Variants in EEA1 observed in about 807,000 individuals in gnomAD.
EEA1 encodes early endosome antigen 1, 162kD.
In EEA1, 111 loss-of-function variants were observed where a neutral mutation model predicts 209.2. The observed-to-expected ratio is 0.53, with a 90% CI of 0.45 to 0.62. The LOEUF is 0.62. Among genes scored for constraint, EEA1 ranks in the 20% least tolerant of loss-of-function variants. EEA1 has a pLI of 0.00. For missense variants in EEA1, 1,343 were observed against 1,530.8 expected (o/e 0.88, Z 2.05); for synonymous variants, 536 against 540.6 (o/e 0.99, Z 0.12).
At chr12:92,830,899 A>C (rs1876595639) in intron 11 of EEA1, among the ~76,000 whole-genome samples, 1 of 152,238 alleles carries the variant, frequency 6.6e-6, no homozygotes, top group Non-Finnish European at 1.5e-5. Flanking sequence ...GAAGGAAGGC[A>C]GATCAGTTAA....
At chr12:92,922,739 G>A (rs1410053584) in intron 1 of EEA1, among the ~76,000 whole-genome samples, 2 of 151,460 alleles carry the variant, frequency 1.3e-5, no homozygotes, top group African/African-American at 2.4e-5. Context: ...GATCGCCTGA[G>A]GTCAGGAGTT....
intron 22 of EEA1, among the ~76,000 whole-genome samples, chr12:92,783,863 G>GT (rs1276611255): frequency 6.6e-6 from 1 of 151,580 alleles, no homozygotes; most frequent in East Asian, 1.9e-4. Context: ...GGCAGAAAAC[G>GT]TAATTTAGCA....
chr12:92,803,836 C>A (rs1422138438), intron 18 of EEA1, among the ~76,000 whole-genome samples: 1 of 151,986 alleles, frequency 6.6e-6, no homozygotes, highest in African/African-American at 2.4e-5. Flanking sequence ...AGTTAAAATC[C>A]CTGTTAAGCA....
chr12:92,804,571 C>CAAAA (rs1195692496), intron 18 of EEA1, among the ~76,000 whole-genome samples: 7 of 47,670 alleles, frequency 1.5e-4, no homozygotes, highest in South Asian at 1.5e-3. Flanking sequence ...GACTCTGTCT[C>CAAAA]AAAAAAAAAA....
chr12:92,823,352 A>G (rs1377383019), intron 13 of EEA1, among the ~76,000 whole-genome samples: 1 of 152,188 alleles, frequency 6.6e-6, no homozygotes, highest in Non-Finnish European at 1.5e-5. Context: ...TCTAACTTAC[A>G]CTTTAAGGTC....
rs761976116 is a variant in EEA1 at position 92,832,725 on chromosome 12, T to C, written c.1041A>G (p.Gln347=). 79 of 1,613,940 alleles carry C rather than the reference T, an allele frequency of 4.9e-5. No individual in the cohort carries two copies. The highest frequency in any genetic ancestry group is 1.6e-4 in the Middle Eastern group (1 of 6,080). ...ATGCAGACAATCTTGACTGAAGCTGTTGACAATCTAGGTCTTTTTGATGAA... is the reference window on the plus strand; with the variant it reads ...ATGCAGACAATCTTGACTGAAGCTGCTGACAATCTAGGTCTTTTTGATGAA... ...ATLHQKDLDC[Q]QLQSRLSASE... Residue 347 remains glutamine (Q), a synonymous_variant, in exon 11 of 29, where the codon CAA becomes CAG. Coordinates refer to ENST00000322349, the MANE Select transcript of EEA1 (RefSeq NM_003566.4).
intron 21 of EEA1, among the ~76,000 whole-genome samples, chr12:92,796,924 G>A (rs1444197183): frequency 1.3e-5 from 2 of 152,156 alleles, no homozygotes; most frequent in East Asian, 1.9e-4. Flanking sequence ...ATTTCTCTAT[G>A]ACCAGTAAGT....
chr12:92,770,815 A>C lies in EEA1; in HGVS notation c.*5196T>G, dbSNP rs1332708050. The C allele has an allele frequency of 3.4e-5, 5 of 148,326 alleles. No homozygotes were observed. Among genetic ancestry groups the C allele is most frequent in the Non-Finnish European group, 6.0e-5 (4 of 66,446 alleles). 9.2% of individuals were successfully genotyped at this position (148,326 alleles called of 1,614,324 possible). On this transcript the variant is annotated 3_prime_UTR_variant, in exon 29 of 29. Transcript: ENST00000322349. ...TAGAAAATCCCAAAGACTAAATTCC[A>C]TTACTTTAAGATAGGAAGAAAAAAA...
chr12:92,888,808 G>A (rs17837149), intron 2 of EEA1, among the ~76,000 whole-genome samples: 2,477 of 152,110 alleles, frequency 0.016, 41 homozygotes, highest in South Asian at 0.095. Flanking sequence ...AAAAATCCTC[G>A]AAACGGAAGG....
rs902093812 is a variant in EEA1, at chr12:92,809,051, C to T, written c.2305G>A (p.Glu769Lys). Reference protein sequence around the residue: ...LNTDLELRATELSKQLEMEKE... With the variant: ...LNTDLELRATKLSKQLEMEKE... ...TCCATTTCAAGTTGTTTACTCAATT[C>T]TGTGGCTCTGAGCTCTAAATCTGTG... is the stretch of plus-strand genomic sequence containing the variant. Residue 769 changes from glutamate to lysine, a missense_variant, in exon 18 of 29, where the codon GAA becomes AAA. By Grantham distance (56) the Glu-to-Lys change is moderately conservative. This residue lies in a region of EEA1 where 1,307 missense variants were observed against 1,465.5 expected (regional missense o/e 0.89). Coordinates refer to ENST00000322349, the MANE Select transcript of EEA1 (RefSeq NM_003566.4). 2.7e-5 allele frequency: 44 copies of T among 1,603,190 alleles called. No individual in the cohort carries two copies. The Admixed American group carries it at 6.8e-4, about 25-fold the overall frequency.
chr12:92,848,316 C>T (rs1877464939), intron 9 of EEA1, among the ~76,000 whole-genome samples: 4 of 151,782 alleles, frequency 2.6e-5, no homozygotes, highest in Admixed American at 2.0e-4. Flanking sequence ...TTTCACCTCC[C>T]TATCTTTCAT....
chr12:92,808,478 A>ATTTTTTTTTTTT (rs775633861), intron 18 of EEA1, among the ~76,000 whole-genome samples: 2 of 139,102 alleles, frequency 1.4e-5, no homozygotes, highest in African/African-American at 2.6e-5. Flanking sequence ...AGCTGAGGTT[A>ATTTTTTTTTTTT]TTTTTTTTTT....
intron 1 of EEA1, among the ~76,000 whole-genome samples, chr12:92,916,146 G>A (rs1020810524): frequency 6.6e-6 from 1 of 152,172 alleles, no homozygotes; most frequent in Non-Finnish European, 1.5e-5. Flanking sequence ...TGTTAGGCAA[G>A]TTTAAAGTAT....
intron 21 of EEA1, among the ~76,000 whole-genome samples, chr12:92,791,862 C>T (rs1199626382): frequency 6.6e-6 from 1 of 152,214 alleles, no homozygotes; most frequent in Admixed American, 6.5e-5. Flanking sequence ...AAATTGACCA[C>T]ATAATTGGAA....
intron 1 of EEA1, among the ~76,000 whole-genome samples, chr12:92,910,199 C>T (rs1034044058): frequency 6.7e-5 from 10 of 150,116 alleles, no homozygotes; most frequent in African/African-American, 2.0e-4. Flanking sequence ...AGGTCAGGCG[C>T]GGTGGCTCAC....
intron 9 of EEA1, among the ~76,000 whole-genome samples, chr12:92,846,466 T>C (rs1877391135): frequency 2.0e-5 from 3 of 152,204 alleles, no homozygotes; most frequent in South Asian, 4.1e-4. Context: ...ATCATACTTA[T>C]TCCATATCTA....
chr12:92,819,524 G>A lies in EEA1; in HGVS notation c.1525-13C>T. 1 of 1,552,848 alleles carries A rather than the reference G, an allele frequency of 6.4e-7. No individual in the cohort carries two copies. The highest frequency in any genetic ancestry group is 1.2e-5 in the South Asian group (1 of 80,948). The stretch of plus-strand genomic sequence containing the variant: ...GTTCCAAATCATTCTGTAAAGAATT[G>A]AAAACTACTACTTTAAGAATAGAGA... On this transcript the variant is annotated splice_polypyrimidine_tract_variant and intron_variant, in intron 13 of 28. Transcript: ENST00000322349.
chr12:92,890,846 G>A (rs1045394348), intron 2 of EEA1, among the ~76,000 whole-genome samples: 1 of 152,180 alleles, frequency 6.6e-6, no homozygotes, highest in African/African-American at 2.4e-5. Context: ...TGAATGGACA[G>A]AAAGAGGACA....
Position 92,816,226 on chromosome 12 carries a change from C to T in EEA1, c.1903G>A (p.Glu635Lys). 2 of 1,613,710 alleles carry T rather than the reference C, an allele frequency of 1.2e-6. No homozygotes were observed. The highest frequency in any genetic ancestry group is 1.7e-6 in the Non-Finnish European group (2 of 1,179,766). ...TGTATGTCAAGCTGGGAGACCTTCT[C>T]CTTGCTTTCATTTAATTGACTATTT... is the stretch of plus-strand genomic sequence containing the variant. Reference protein sequence around the residue: ...ELNSQLNESKEKVSQLDIQIK... With the variant: ...ELNSQLNESKKKVSQLDIQIK... Residue 635 changes from glutamate to lysine, a missense_variant, in exon 15 of 29, where the codon GAG becomes AAG. This residue lies in a region of EEA1 where 1,307 missense variants were observed against 1,465.5 expected (regional missense o/e 0.89). Transcript: ENST00000322349.
Sources: gnomAD v4.1 joint callset for allele counts (sites outside exome capture counted in the v4.1 genomes callset) on GRCh38, gnomAD v4.1.1 for gene constraint, gnomAD v4.1.1 regional missense constraint, MANE v1.5 for transcripts, NCBI Gene and HGNC (gene_info 2026-07-23, HGNC 2026-07-21) for gene names.